The following NEK10 variants were observed in gnomAD, a reference collection of about 807,000 sequenced individuals.
The protein encoded by NEK10 is NIMA related kinase 10, also known as serine/threonine-protein kinase Nek10.
Under a neutral mutation model 159.8 loss-of-function variants are expected in NEK10, and 122 were observed. The observed-to-expected ratio is 0.76, with a 90% confidence interval of 0.66 to 0.89. The LOEUF (loss-of-function observed/expected upper bound fraction) is 0.89, where lower values mean the gene tolerates loss of function less well. Among genes scored for constraint, NEK10 ranks in the 40% least tolerant of loss-of-function variants. The pLI, the probability that NEK10 is intolerant of heterozygous loss-of-function variation, is 0.00. For synonymous variants in NEK10, 466 were observed against 457.1 expected (o/e 1.02, Z -0.25); for missense variants, 1,342 against 1,323.1 (o/e 1.01, Z -0.22).
intron 23 of NEK10, among the ~76,000 whole-genome samples, chr3:27,248,961 G>C (rs1242924031): frequency 6.6e-6 from 1 of 152,114 alleles, no homozygotes; most frequent in Non-Finnish European, 1.5e-5. Context: ...GAAGTCTCCA[G>C]CTATTATTGT....
At chr3:27,292,491 CTTT>C (rs2043064638) in intron 16 of NEK10, among the ~76,000 whole-genome samples, 3 of 152,092 alleles carry the variant, frequency 2.0e-5, no homozygotes, top group African/African-American at 7.2e-5. Context: ...GTTTTAAAAT[CTTT>C]GAGTTCACTA....
intron 1 of NEK10, among the ~76,000 whole-genome samples, chr3:27,354,757 A>C (rs1317061817): frequency 1.3e-5 from 2 of 152,188 alleles, no homozygotes; most frequent in South Asian, 4.1e-4. Context: ...TGCTAACACA[A>C]AAGCTCTCTA....
intron 25 of NEK10, 103 bp from the exon 26 acceptor site, chr3:27,192,345 T>C (rs1949193733): frequency 1.3e-6 from 1 of 789,360 alleles, no homozygotes; most frequent in African/African-American, 1.7e-5. Context: ...CACTATGGTA[T>C]TTTCACCTAA....
At chr3:27,342,600 C>G (rs1388988067) in intron 5 of NEK10, among the ~76,000 whole-genome samples, 1 of 152,164 alleles carries the variant, frequency 6.6e-6, no homozygotes, top group African/African-American at 2.4e-5. Context: ...CTTCATCCAG[C>G]CTAAGATGCT....
chr3:27,327,587 A>C (rs2046098427), intron 5 of NEK10, among the ~76,000 whole-genome samples: 1 of 152,210 alleles, frequency 6.6e-6, no homozygotes, highest in Non-Finnish European at 1.5e-5. Context: ...CTTACACAGT[A>C]AGAGAAACAA....
intron 30 of NEK10, among the ~76,000 whole-genome samples, chr3:27,161,270 T>C (rs1945988195): frequency 6.6e-6 from 1 of 152,240 alleles, no homozygotes; most frequent in African/African-American, 2.4e-5. Context: ...CTTTTCAAAA[T>C]AACAGGAGCA....
chr3:27,225,633 C>T (rs1396702209), intron 23 of NEK10, among the ~76,000 whole-genome samples: 1 of 152,168 alleles, frequency 6.6e-6, no homozygotes, highest in Non-Finnish European at 1.5e-5. Flanking sequence ...CGGGGAGGGA[C>T]AAAGCTTTAG....
At chr3:27,325,799 G>C (rs557647639) in intron 5 of NEK10, among the ~76,000 whole-genome samples, 39 of 152,194 alleles carry the variant, frequency 2.6e-4, no homozygotes, top group Non-Finnish European at 2.5e-4. Flanking sequence ...GAGAGATGTT[G>C]AGTAAGATGT....
At chr3:27,220,649 T>C (rs545505651) in intron 23 of NEK10, among the ~76,000 whole-genome samples, 1 of 152,158 alleles carries the variant, frequency 6.6e-6, no homozygotes, top group Non-Finnish European at 1.5e-5. Flanking sequence ...TGGCTTTTTT[T>C]TTTCTTGCAG....
intron 22 of NEK10, among the ~76,000 whole-genome samples, chr3:27,284,070 A>G (rs1054181126): frequency 1.3e-5 from 2 of 152,180 alleles, no homozygotes; most frequent in Admixed American, 6.5e-5. Flanking sequence ...CACTTATCAC[A>G]TAGGGATGTC....
At chr3:27,237,496 C>T (rs1954065548) in intron 23 of NEK10, among the ~76,000 whole-genome samples, 1 of 152,150 alleles carries the variant, frequency 6.6e-6, no homozygotes, top group Non-Finnish European at 1.5e-5. Context: ...ATGAAATCTT[C>T]ACAATTTATG....
chr3:27,355,458 G>T (rs945925343), intron 1 of NEK10, among the ~76,000 whole-genome samples: 3 of 151,890 alleles, frequency 2.0e-5, no homozygotes, highest in African/African-American at 2.4e-5. Flanking sequence ...TGCCCCTAGT[G>T]CTCCTCATCT....
At chr3:27,251,691 C>G (rs1955685742) in intron 23 of NEK10, among the ~76,000 whole-genome samples, 1 of 152,168 alleles carries the variant, frequency 6.6e-6, no homozygotes, top group Non-Finnish European at 1.5e-5. Flanking sequence ...TTATAGCAAT[C>G]CAAGAACGAT....
At chr3:27,348,870 C>A (rs747629168) in intron 3 of NEK10, among the ~76,000 whole-genome samples, 1 of 152,162 alleles carries the variant, frequency 6.6e-6, no homozygotes, top group Non-Finnish European at 1.5e-5. Flanking sequence ...AAATGTGAAG[C>A]TGTGGAACAA....
intron 26 of NEK10, among the ~76,000 whole-genome samples, chr3:27,176,071 G>A (rs1947478114): frequency 6.6e-6 from 1 of 152,106 alleles, no homozygotes; most frequent in African/African-American, 2.4e-5. Context: ...AGATCTTAGG[G>A]ATAACTAGAA....
At chr3:27,368,718 G>C (rs1030184255) in intron 1 of NEK10, among the ~76,000 whole-genome samples, 1 of 152,160 alleles carries the variant, frequency 6.6e-6, no homozygotes, top group East Asian at 1.9e-4. Flanking sequence ...ACAGTTAGTA[G>C]AGCAGGCTAG....
At position 27,167,556 on chromosome 3, in the gene NEK10, A is replaced by C. The variant is rs368038681; in HGVS notation, c.2831+4263T>G. 8.5e-5 allele frequency among the ~76,000 whole-genome samples: 13 copies of C among 152,344 alleles called. No homozygotes were observed. In the East Asian group the frequency reaches 1.7e-3, roughly 20 times the overall value. On this transcript the variant is annotated intron_variant, in intron 29 of 35. Transcript: ENST00000691995. Reference sequence around the variant, plus strand: ...AGTATTTTATTTATAAGTTGAAATAACATGCTATGACTTGCTGGATTAGAA... The same window carrying C: ...AGTATTTTATTTATAAGTTGAAATACCATGCTATGACTTGCTGGATTAGAA...
chr3:27,267,769 C>A (rs1300933220), intron 22 of NEK10, among the ~76,000 whole-genome samples: 1 of 152,116 alleles, frequency 6.6e-6, no homozygotes, highest in Non-Finnish European at 1.5e-5. Context: ...CATTGGCCTC[C>A]AATCATTCAA....
At chr3:27,168,880 CCT>C (rs1212985920) in intron 29 of NEK10, among the ~76,000 whole-genome samples, 1 of 152,172 alleles carries the variant, frequency 6.6e-6, no homozygotes, top group African/African-American at 2.4e-5. Context: ...GTTCTATACC[CCT>C]GTTTCAATGA....
Sources: allele counts gnomAD v4.1 joint callset (sites outside exome capture counted in the v4.1 genomes callset), GRCh38; gene constraint gnomAD v4.1.1; transcripts MANE v1.5; gene names NCBI Gene and HGNC (gene_info 2026-07-23, HGNC 2026-07-21).